The following LMBRD2 variants were observed in gnomAD, a reference collection of about 807,000 sequenced individuals.
LMBRD2 encodes LMBR1 domain containing 2, also known as G protein-coupled receptor-associated protein LMBRD2.
LMBRD2 carries 55 observed loss-of-function variants against 94.4 expected under a neutral mutation model. The ratio of observed to expected loss-of-function variants is 0.58; its 90% confidence interval spans 0.47 to 0.73. The LOEUF is 0.73. LMBRD2 is among the 30% of genes least tolerant of loss of function. The pLI is 0.00. For synonymous variants in LMBRD2, 246 were observed against 272.4 expected (o/e 0.90, Z 0.95); for missense variants, 640 against 831.9 (o/e 0.77, Z 2.84).
intron 5 of LMBRD2, among the ~76,000 whole-genome samples, chr5:36,136,753 T>C (rs1167776451): frequency 6.6e-6 from 1 of 152,178 alleles, no homozygotes; most frequent in African/African-American, 2.4e-5. Context: ...TTAACCTGTG[T>C]TGCTGACCTA....
intron 3 of LMBRD2, among the ~76,000 whole-genome samples, chr5:36,141,585 G>GT (rs60815164): frequency 2.3e-3 from 328 of 143,486 alleles, no homozygotes; most frequent in African/African-American, 2.9e-3. Flanking sequence ...TATAGGTTGG[G>GT]TTTTTTTTTT....
At position 36,111,200 on chromosome 5, in the gene LMBRD2, T is replaced by C. The variant is rs1743595600; in HGVS notation, c.1699A>G (p.Met567Val). The change falls in exon 14 of 18, where the codon ATG (methionine) becomes GTG (valine). Residue 567 changes from methionine (M) to valine (V), a missense_variant. Met to Val is a conservative substitution (Grantham distance 21). This residue lies in a region of LMBRD2 where 183 missense variants were observed against 189.1 expected (regional missense o/e 0.97). Transcript: ENST00000296603. ...GFQQFMGDDD[M>V]TSDLVNEGKE... ...CCTTCATTAACTAAGTCTGATGTCA[T>C]ATCATCATCTCCCATAAACTGCTGG... is the stretch of plus-strand genomic sequence containing the variant. 6.2e-7 allele frequency: 1 copy of C among 1,611,972 alleles called. No homozygotes were observed. Among genetic ancestry groups the C allele is most frequent in the African/African-American group, 1.3e-5 (1 of 74,948 alleles).
chr5:36,118,054 G>T, intron 9 of LMBRD2, 138 bp from the exon 10 acceptor site: 1 of 652,656 alleles, frequency 1.5e-6, no homozygotes, highest in Non-Finnish European at 2.6e-6. Flanking sequence ...AATCCAGGCA[G>T]ATACGAACCT....
chr5:36,119,991 TTTTCTTTCTC>T (rs144558212), intron 9 of LMBRD2, among the ~76,000 whole-genome samples: 3,263 of 152,164 alleles, frequency 0.021, 112 homozygotes, highest in African/African-American at 0.075. Context: ...GAATTTTTTC[TTTTCTTTCTC>T]TTTCTTTCTT....
intron 2 of LMBRD2, 129 bp from the exon 3 acceptor site, chr5:36,142,728 T>C (rs1266200479): frequency 7.1e-6 from 4 of 561,430 alleles, no homozygotes; most frequent in Non-Finnish European, 1.2e-5. Flanking sequence ...TTTTTTTTTT[T>C]TTTTCTTTTT....
chr5:36,148,656 T>C (rs1378844904), intron 1 of LMBRD2, among the ~76,000 whole-genome samples: 1 of 152,170 alleles, frequency 6.6e-6, no homozygotes, highest in Non-Finnish European at 1.5e-5. Flanking sequence ...GCTGTTCGTT[T>C]CCTTGCTTAA....
chr5:36,129,360 CAGG>C (rs1332738947), intron 6 of LMBRD2, among the ~76,000 whole-genome samples: 4 of 151,726 alleles, frequency 2.6e-5, no homozygotes, highest in Non-Finnish European at 5.9e-5. Flanking sequence ...CTAAAAGCAG[CAGG>C]AGAAGAGAAA....
At chr5:36,132,405 A>C (rs1744175634) in intron 6 of LMBRD2, among the ~76,000 whole-genome samples, 1 of 152,074 alleles carries the variant, frequency 6.6e-6, no homozygotes, top group African/African-American at 2.4e-5. Flanking sequence ...CTGGGCAAAA[A>C]TTTATTTAGT....
chr5:36,144,656 C>T (rs1187717020), intron 1 of LMBRD2, among the ~76,000 whole-genome samples: 1 of 152,014 alleles, frequency 6.6e-6, no homozygotes, highest in East Asian at 1.9e-4. Flanking sequence ...TACACTGAAG[C>T]CTGGGCAACA....
Position 36,103,754 on chromosome 5 carries a change from G to T in LMBRD2, c.*292C>A. On this transcript the variant is annotated 3_prime_UTR_variant, in exon 18 of 18. Coordinates refer to ENST00000296603, the MANE Select transcript of LMBRD2 (RefSeq NM_001007527.2). The stretch of plus-strand genomic sequence containing the variant: ...AAAAAAAATTAATCTGAAACAAACT[G>T]AACTGCATGTTCTTAACATATGTTG... The T allele has an allele frequency of 5.3e-6, 1 of 188,474 alleles. No homozygotes were observed. Among genetic ancestry groups the T allele is most frequent in the Non-Finnish European group, 1.1e-5 (1 of 90,898 alleles). 11.7% of individuals were successfully genotyped at this position (188,474 alleles called of 1,614,324 possible). A position where few individuals can be genotyped will look rare whatever the true frequency, so the allele number is the denominator to read the frequency against.
rs1467925523 is a variant in LMBRD2, at chr5:36,102,130, C to A, written c.*1916G>T. On this transcript the variant is annotated 3_prime_UTR_variant, in exon 18 of 18. Transcript: ENST00000296603. ...TTGCTTTAAGTACTTGTAAACTTTT[C>A]TGTAATAATAAGAAACTGGACCCAT... 1 of 151,890 alleles carries A rather than the reference C, an allele frequency of 6.6e-6. No homozygotes were observed. Among genetic ancestry groups the A allele is most frequent in the Non-Finnish European group, 1.5e-5 (1 of 67,834 alleles). 9.4% of individuals were successfully genotyped at this position (151,890 alleles called of 1,614,324 possible). A position where few individuals can be genotyped will look rare whatever the true frequency, so the allele number is the denominator to read the frequency against.
rs1743754749 is a variant in LMBRD2 at position 36,116,738 on chromosome 5, G to A, written c.1303-145C>T. The A allele has an allele frequency of 5.5e-5, 37 of 672,456 alleles. No homozygotes were observed. In the South Asian group the frequency reaches 5.9e-4, roughly 11 times the overall value. 41.7% of individuals were successfully genotyped at this position (672,456 alleles called of 1,614,324 possible). A position where few individuals can be genotyped will look rare whatever the true frequency, so the allele number is the denominator to read the frequency against. On this transcript the variant is annotated intron_variant, in intron 10 of 17. Transcript: ENST00000296603. ...GTCACCCAGGCTGGAGTGCAGTGGC[G>A]CGATCTTGGCTCACTGCAACCTCCA...
intron 13 of LMBRD2, among the ~76,000 whole-genome samples, chr5:36,113,649 A>G (rs1324569651): frequency 2.0e-5 from 3 of 152,216 alleles, no homozygotes; most frequent in South Asian, 2.1e-4. Flanking sequence ...GAAGATTTAA[A>G]TAAAGTGGGT....
rs1744463699 is a variant in LMBRD2 at position 36,143,352 on chromosome 5, T to C, written c.-3A>G. ...AGTCCCAAAGCTGCACCACTCATTA[T>C]TGAATATTTCACTCTGACTAACCAA... On this transcript the variant is annotated 5_prime_UTR_variant, in exon 2 of 18. Coordinates refer to ENST00000296603, the MANE Select transcript of LMBRD2 (RefSeq NM_001007527.2). The C allele has an allele frequency of 1.9e-6, 3 of 1,611,540 alleles. No individual in the cohort carries two copies. The highest frequency in any genetic ancestry group is 2.5e-6 in the Non-Finnish European group (3 of 1,178,606).
chr5:36,126,405 A>G (rs866795657), intron 6 of LMBRD2, among the ~76,000 whole-genome samples: 17 of 152,242 alleles, frequency 1.1e-4, no homozygotes, highest in Admixed American at 7.2e-4. Context: ...TTAATAAAGC[A>G]TGGAAAGTAT....
At chr5:36,129,598 T>C (rs1052246577) in intron 6 of LMBRD2, among the ~76,000 whole-genome samples, 1 of 152,280 alleles carries the variant, frequency 6.6e-6, no homozygotes, top group Middle Eastern at 3.4e-3. Flanking sequence ...TCCTGTTCTA[T>C]AAGAAATGCT....
At chr5:36,116,387 C>T (rs569073189) in intron 11 of LMBRD2, 73 bp downstream of exon 11, 4 of 1,409,980 alleles carry the variant, frequency 2.8e-6, no homozygotes, top group East Asian at 4.6e-5. Context: ...CTGTAAACAA[C>T]AAAAAATAAA....
At chr5:36,145,285 A>G (rs1272687375) in intron 1 of LMBRD2, among the ~76,000 whole-genome samples, 2 of 152,262 alleles carry the variant, frequency 1.3e-5, no homozygotes, top group Non-Finnish European at 1.5e-5. Context: ...TGATTTAACA[A>G]ATACTTATTA....
intron 5 of LMBRD2, among the ~76,000 whole-genome samples, chr5:36,136,790 A>T (rs565052488): frequency 6.6e-6 from 1 of 152,304 alleles, no homozygotes; most frequent in African/African-American, 2.4e-5. Flanking sequence ...CAATAGTGAG[A>T]CCTAGCACTG....
Sources: allele counts gnomAD v4.1 joint callset (sites outside exome capture counted in the v4.1 genomes callset), GRCh38; gene constraint gnomAD v4.1.1; regional missense constraint gnomAD v4.1.1; transcripts MANE v1.5; gene names NCBI Gene and HGNC (gene_info 2026-07-23, HGNC 2026-07-21).